The following DNAH7 variants were observed in gnomAD, a reference collection of about 807,000 sequenced individuals.
DNAH7 encodes dynein axonemal heavy chain 7.
Under a neutral mutation model 444.6 loss-of-function variants are expected in DNAH7, and 397 were observed. The ratio of observed to expected loss-of-function variants is 0.89; its 90% CI spans 0.82 to 0.97. The LOEUF is 0.97. DNAH7 is among the 50% of genes least tolerant of loss of function. The probability of loss-of-function intolerance (pLI) is 0.00; values close to 1 mark genes in which losing one functional copy is unlikely to be tolerated. For missense variants in DNAH7, 4,902 were observed against 4,800.8 expected (o/e 1.02, Z -0.62); for synonymous variants, 1,636 against 1,624.4 (o/e 1.01, Z -0.17).
intron 19 of DNAH7, among the ~76,000 whole-genome samples, chr2:195,940,473 C>T (rs1190531380): frequency 6.6e-6 from 1 of 152,142 alleles, no homozygotes; most frequent in African/African-American, 2.4e-5. Context: ...TGGGCAAAGA[C>T]TTCATTGGCT....
intron 21 of DNAH7, among the ~76,000 whole-genome samples, chr2:195,931,333 G>T (rs974848664): frequency 5.9e-5 from 9 of 152,086 alleles, no homozygotes; most frequent in African/African-American, 2.2e-4. Flanking sequence ...GCCTTTGTCA[G>T]ATGAGTAGGT....
Position 195,844,850 on chromosome 2 carries a change from G to A in DNAH7, c.8945+152C>T, listed in dbSNP as rs567377993. ...TACTCAACTATTATAATATTAATAA[G>A]AGAAGGAAGTGATTACTCATACTTA... On this transcript the variant is annotated intron_variant, in intron 47 of 64. Coordinates refer to ENST00000312428, the MANE Select transcript of DNAH7 (RefSeq NM_018897.3). 5 of 610,762 alleles carry A rather than the reference G, an allele frequency of 8.2e-6. No individual in the cohort carries two copies. The Admixed American group carries it at 9.3e-5, about 11-fold the overall frequency. 37.8% of individuals were successfully genotyped at this position (610,762 alleles called of 1,614,324 possible). A position where few individuals can be genotyped will look rare whatever the true frequency, so the allele number is the denominator to read the frequency against.
intron 38 of DNAH7, among the ~76,000 whole-genome samples, chr2:195,874,570 T>G (rs1423430323): frequency 1.3e-5 from 2 of 151,022 alleles, no homozygotes; most frequent in Non-Finnish European, 2.9e-5. Flanking sequence ...AACTGAAGTC[T>G]GAGACCCAGG....
chr2:195,970,001 A>G lies in DNAH7; in HGVS notation c.2152T>C (p.Tyr718His), dbSNP rs773123050. The change falls in exon 17 of 65, where the codon TAC (tyrosine) becomes CAC (histidine). Residue 718 changes from tyrosine to histidine, a missense_variant. Coordinates refer to ENST00000312428, the MANE Select transcript of DNAH7 (RefSeq NM_018897.3). Reference protein sequence around the residue: ...SFGDLQDVQRYLKKAQILNGK... With the variant: ...SFGDLQDVQRHLKKAQILNGK... Reference sequence around the variant, plus strand: ...TTCAGTATTTGAGCCTTTTTTAGGTACCGCTGAACATCCTGAAGATCTCCA... The same window carrying G: ...TTCAGTATTTGAGCCTTTTTTAGGTGCCGCTGAACATCCTGAAGATCTCCA... 21 of 1,612,360 alleles carry G rather than the reference A, an allele frequency of 1.3e-5. No individual in the cohort carries two copies. The African/African-American group carries it at 2.4e-4, about 18-fold the overall frequency.
chr2:195,770,778 G>A (rs139380965), intron 61 of DNAH7, among the ~76,000 whole-genome samples: 1 of 152,008 alleles, frequency 6.6e-6, no homozygotes, highest in East Asian at 1.9e-4. Flanking sequence ...GGCTGGGTAG[G>A]ATCGTAGCTT....
At chr2:195,926,312 T>A in intron 22 of DNAH7, 114 bp downstream of exon 22, 1 of 979,908 alleles carries the variant, frequency 1.0e-6, no homozygotes, top group East Asian at 3.2e-5. Flanking sequence ...GCTTGCAGCA[T>A]AAAGTAGATT....
intron 39 of DNAH7, among the ~76,000 whole-genome samples, chr2:195,872,758 A>G (rs981350392): frequency 6.6e-6 from 1 of 152,304 alleles, no homozygotes. Flanking sequence ...GAGACAGCCA[A>G]GGAACCCAGA....
rs756800826 is a variant in DNAH7 at position 195,972,419 on chromosome 2, C to G, written c.1881G>C (p.Gln627His). The G allele has an allele frequency of 6.2e-7, 1 of 1,614,122 alleles. No individual in the cohort carries two copies. The highest frequency in any genetic ancestry group is 1.1e-5 in the South Asian group (1 of 91,074). Residue 627 changes from glutamine (Q) to histidine (H), a missense_variant, in exon 16 of 65, where the codon CAG becomes CAC. Physicochemically the swap from Gln to His is conservative, Grantham distance 24. Transcript: ENST00000312428. ...GGCAGTTTTTGGAATCCACTAATCT[C>G]TGTTCTAGTTCAATCATATCAGTTA... ...VEVTDMIELE[Q>H]RLVDSKNCLA... is the part of the protein sequence containing the mutation.
intron 48 of DNAH7, among the ~76,000 whole-genome samples, chr2:195,825,428 T>C (rs1356454542): frequency 6.6e-6 from 1 of 152,204 alleles, no homozygotes; most frequent in Non-Finnish European, 1.5e-5. Context: ...ACAGCATAAA[T>C]GTTTCCCCAT....
intron 40 of DNAH7, among the ~76,000 whole-genome samples, chr2:195,868,467 C>T (rs1700485571): frequency 6.6e-6 from 1 of 151,658 alleles, no homozygotes; most frequent in Non-Finnish European, 1.5e-5. Flanking sequence ...TCCCTAATGA[C>T]TAATCATGTC....
rs1335419290 is a variant in DNAH7, at chr2:195,864,666, A to C, written c.6989T>G (p.Leu2330Arg). ...IEHISRISRI[L>R]KQPRSHALLV... ...GAGAGCATGGCTGCGAGGCTGCTTC[A>C]GGATCCTGGAAATTCTGCTGATGTG... Residue 2330 changes from leucine to arginine, a missense_variant, in exon 41 of 65, where the codon CTG becomes CGG. Coordinates refer to ENST00000312428, the MANE Select transcript of DNAH7 (RefSeq NM_018897.3). The C allele has an allele frequency of 6.2e-7, 1 of 1,614,206 alleles. No homozygotes were observed. The highest frequency in any genetic ancestry group is 1.1e-5 in the South Asian group (1 of 91,086).
intron 10 of DNAH7, among the ~76,000 whole-genome samples, chr2:196,008,864 G>A (rs1694546315): frequency 6.6e-6 from 1 of 152,156 alleles, no homozygotes; most frequent in South Asian, 2.1e-4. Context: ...AAATATCTGG[G>A]ACTGGGTAAT....
chr2:195,845,046 T>C lies in DNAH7; in HGVS notation c.8901A>G (p.Gly2967=), dbSNP rs370027706. Residue 2967 remains glycine, a synonymous_variant, in exon 47 of 65, where the codon GGA becomes GGG. Transcript: ENST00000312428. The part of the protein sequence containing the change: ...AVTIRTWNIA[G]LPSDSFSIDN... ...CAATGGAAAATGAGTCAGAAGGTAA[T>C]CCAGCAATATTCCAAGTTCGAATTG... The C allele has an allele frequency of 5.6e-6, 9 of 1,613,796 alleles. No homozygotes were observed. Among genetic ancestry groups the C allele is most frequent in the Non-Finnish European group, 7.6e-6 (9 of 1,179,918 alleles).
Position 196,002,545 on chromosome 2 carries a change from C to A in DNAH7, c.990-687G>T, listed in dbSNP as rs181364382. ...CTACAGAATTTTAAAATACTGTTAT[C>A]TTTTTTTATAAGAGATAATGAATTT... On this transcript the variant is annotated intron_variant, in intron 10 of 64. Coordinates refer to ENST00000312428, the MANE Select transcript of DNAH7 (RefSeq NM_018897.3). 5.5e-3 allele frequency among the ~76,000 whole-genome samples: 831 copies of A among 152,240 alleles called. 4 individuals are homozygous for A. Among genetic ancestry groups the A allele is most frequent in the Admixed American group, 0.016 (243 of 15,296 alleles).
intron 19 of DNAH7, among the ~76,000 whole-genome samples, chr2:195,955,643 G>A (rs570127636): frequency 6.6e-6 from 1 of 152,164 alleles, no homozygotes; most frequent in South Asian, 2.1e-4. Flanking sequence ...TTATTTACAA[G>A]GCCCAACACA....
At chr2:195,951,826 C>T (rs1018390950) in intron 19 of DNAH7, among the ~76,000 whole-genome samples, 3 of 151,888 alleles carry the variant, frequency 2.0e-5, no homozygotes, top group African/African-American at 7.3e-5. Flanking sequence ...ATGTGTGTGC[C>T]TGCACATGAG....
At position 195,855,879 on chromosome 2, in the gene DNAH7, C is replaced by G; in HGVS notation, c.8527G>C (p.Asp2843His). Residue 2843 changes from aspartate to histidine, a missense_variant, in exon 45 of 65, where the codon GAC (aspartate) becomes CAC (histidine). Physicochemically the swap from Asp to His is moderately conservative, Grantham distance 81. Transcript: ENST00000312428. ...KKQAALKEVQ[D>H]KLARLQDTLE... ...GTGTCTTGAAGCCTGGCCAGCTTGT[C>G]CTGAACTTCCTTAAGGGCTGCCTGC... is the stretch of plus-strand genomic sequence containing the variant. 2 of 1,614,004 alleles carry G rather than the reference C, an allele frequency of 1.2e-6. No individual in the cohort carries two copies.
At chr2:195,817,930 A>T in intron 49 of DNAH7, 101 bp from the exon 50 acceptor site, 4 of 801,022 alleles carry the variant, frequency 5.0e-6, no homozygotes, top group Non-Finnish European at 7.4e-6. Context: ...TCTATTTACT[A>T]TATATGGTAG....
chr2:195,775,117 T>C (rs1225557280), intron 60 of DNAH7, among the ~76,000 whole-genome samples: 1 of 152,318 alleles, frequency 6.6e-6, no homozygotes, highest in East Asian at 1.9e-4. Flanking sequence ...TACCTCTGAA[T>C]TGTGATAAAC....
Sources: gnomAD v4.1 joint callset for allele counts (sites outside exome capture counted in the v4.1 genomes callset) on GRCh38, gnomAD v4.1.1 for gene constraint, MANE v1.5 for transcripts, NCBI Gene and HGNC (gene_info 2026-07-23, HGNC 2026-07-21) for gene names.